The following LOC128462377 variants were observed in gnomAD, a reference collection of about 807,000 sequenced individuals.
At chr16:89,382,834 G>A in the LOC128462377 span, among the ~76,000 whole-genome samples, 2 of 151,950 alleles carry the variant, frequency 1.3e-5, no homozygotes, top group African/African-American at 2.4e-5. Flanking sequence ...CAAAAGTAGA[G>A]TTTCCTTTGT....
At chr16:89,339,508 GTGGCTCTTTCACAAACCAT>G in the LOC128462377 span, among the ~76,000 whole-genome samples, 1 of 152,212 alleles carries the variant, frequency 6.6e-6, no homozygotes. Context: ...AGATATAAAG[GTGGCTCTTTCACAAACCAT>G]TTCGGAAATT....
the LOC128462377 span, among the ~76,000 whole-genome samples, chr16:89,368,017 CAAAAAAA>C: frequency 6.6e-6 from 1 of 151,922 alleles, no homozygotes; most frequent in African/African-American, 2.4e-5. Context: ...AAACAAAAAA[CAAAAAAA>C]GAAATTGTCC....
the LOC128462377 span, among the ~76,000 whole-genome samples, chr16:89,319,751 C>T: frequency 1.3e-5 from 2 of 152,374 alleles, no homozygotes; most frequent in East Asian, 3.9e-4. Context: ...CCAGGCTACA[C>T]CTCCCAGGAC....
the LOC128462377 span, among the ~76,000 whole-genome samples, chr16:89,379,380 A>G: frequency 7.2e-5 from 11 of 152,340 alleles, no homozygotes; most frequent in South Asian, 1.0e-3. Flanking sequence ...GGCTTTCATT[A>G]TATGTCGAAA....
At chr16:89,379,116 T>C in the LOC128462377 span, among the ~76,000 whole-genome samples, 2 of 152,220 alleles carry the variant, frequency 1.3e-5, no homozygotes, top group Non-Finnish European at 2.9e-5. Flanking sequence ...CAGGAAGGCC[T>C]TTCTCACTGG....
chr16:89,366,072 G>A, the LOC128462377 span, among the ~76,000 whole-genome samples: 3 of 146,970 alleles, frequency 2.0e-5, no homozygotes, highest in African/African-American at 7.7e-5. Context: ...GGAGGTTGCA[G>A]TGAGCTAAAA....
the LOC128462377 span, among the ~76,000 whole-genome samples, chr16:89,397,827 G>A: frequency 8.5e-5 from 13 of 152,324 alleles, no homozygotes; most frequent in East Asian, 1.9e-4. Context: ...CAAGCGGCCC[G>A]TGCCACGTCT....
chr16:89,390,174 G>A, the LOC128462377 span, among the ~76,000 whole-genome samples: 21 of 112,438 alleles, frequency 1.9e-4, no homozygotes, highest in Admixed American at 4.9e-4. Flanking sequence ...CGAGTGTGGC[G>A]GGGAGCACCG....
chr16:89,332,324 A>G, the LOC128462377 span, among the ~76,000 whole-genome samples: 1 of 152,212 alleles, frequency 6.6e-6, no homozygotes, highest in Non-Finnish European at 1.5e-5. Context: ...AGCTCCGTGA[A>G]GTCCTGGGAT....
At chr16:89,416,473 AT>A in the LOC128462377 span, among the ~76,000 whole-genome samples, 2 of 152,056 alleles carry the variant, frequency 1.3e-5, no homozygotes, top group Non-Finnish European at 2.9e-5. Context: ...TAATATTTAC[AT>A]TTTTAATAGA....
At chr16:89,397,335 G>GT in the LOC128462377 span, among the ~76,000 whole-genome samples, 4 of 152,318 alleles carry the variant, frequency 2.6e-5, no homozygotes, top group Admixed American at 2.6e-4. Context: ...GGATTCCACC[G>GT]TAAGTGCTGT....
the LOC128462377 span, among the ~76,000 whole-genome samples, chr16:89,401,600 A>T: frequency 6.6e-6 from 1 of 152,102 alleles, no homozygotes; most frequent in African/African-American, 2.4e-5. Context: ...TACTGGTGTT[A>T]TGAGTTGAAA....
chr16:89,326,034 C>T, the LOC128462377 span, among the ~76,000 whole-genome samples: 1 of 152,196 alleles, frequency 6.6e-6, no homozygotes, highest in Non-Finnish European at 1.5e-5. Context: ...CAAGGAGACA[C>T]ACAGCTCTGT....
chr16:89,415,710 C>A, the LOC128462377 span, among the ~76,000 whole-genome samples: 1 of 150,916 alleles, frequency 6.6e-6, no homozygotes. Flanking sequence ...TACCTGTAAT[C>A]CCAGCTAGTT....
chr16:89,321,398 G>A, the LOC128462377 span, among the ~76,000 whole-genome samples: 4 of 151,184 alleles, frequency 2.6e-5, no homozygotes, highest in Non-Finnish European at 4.4e-5. Context: ...GCTGCAGGGC[G>A]GGACTGTGGG....
chr16:89,365,524 G>A, the LOC128462377 span, among the ~76,000 whole-genome samples: 1 of 152,218 alleles, frequency 6.6e-6, no homozygotes, highest in African/African-American at 2.4e-5. Context: ...CCCAAGAAAT[G>A]GCTCCAGGAT....
At chr16:89,320,243 G>T in the LOC128462377 span, 1 of 152,170 alleles carries the variant, frequency 6.6e-6, no homozygotes, top group South Asian at 2.1e-4. Flanking sequence ...CTGCACAGCC[G>T]ACCACACAAC....
At chr16:89,324,356 A>G in the LOC128462377 span, 1 of 1,037,452 alleles carries the variant, frequency 9.6e-7, no homozygotes, top group Non-Finnish European at 1.3e-6. Context: ...AGAAGAGGGA[A>G]AAAGCCAGGA....
chr16:89,396,158 G>A, the LOC128462377 span: 1 of 152,202 alleles, frequency 6.6e-6, no homozygotes, highest in Non-Finnish European at 1.5e-5. Context: ...TAAGAATTTT[G>A]GAAAACTCCA....
Sources: gnomAD v4.1 joint callset for allele counts (sites outside exome capture counted in the v4.1 genomes callset) on GRCh38, gnomAD v4.1.1 for gene constraint, MANE v1.5 for transcripts.